Variants in NACA observed in about 807,000 individuals in gnomAD.
The protein encoded by NACA is nascent polypeptide associated complex subunit alpha, also known as nascent polypeptide-associated complex subunit alpha.
Under a neutral mutation model 86.4 loss-of-function variants are expected in NACA, and 42 were observed. That is an observed-to-expected ratio of 0.49 (90% CI 0.38 to 0.63). The LOEUF is 0.63. Ranked by LOEUF, NACA falls within the 20% of genes least tolerant of loss-of-function variation. The pLI is 0.00. For synonymous variants in NACA, 898 were observed against 973.7 expected (o/e 0.92, Z 1.45); for missense variants, 2,157 against 2,483.6 (o/e 0.87, Z 2.80).
intron 5 of NACA, 122 bp downstream of exon 5, chr12:56,714,240 C>T (rs1024837514): frequency 2.1e-6 from 2 of 935,326 alleles, no homozygotes; most frequent in African/African-American, 1.6e-5. Context: ...TCAAAAATCA[C>T]CACTAGAGAA....
chr12:56,714,623 C>T lies in NACA; in HGVS notation c.5724G>A (p.Gln1908=). The change falls in exon 4 of 9, where the codon CAG becomes CAA. Residue 1908 remains glutamine (Q), a synonymous_variant. Transcript: ENST00000454682. The stretch of plus-strand genomic sequence containing the variant: ...CCACCTGGGCTTGTTGTGTGGTTGC[C>T]TGGGTGGAATCCTGTTCTTCAAGCT... ...VPELEEQDST[Q]ATTQQAQLAA... 1.2e-6 allele frequency: 2 copies of T among 1,614,148 alleles called. No homozygotes were observed. Among genetic ancestry groups the T allele is most frequent in the Non-Finnish European group, 1.7e-6 (2 of 1,180,032 alleles).
chr12:56,717,642 A>G lies in NACA; in HGVS notation c.3888T>C (p.Ser1296=), dbSNP rs779349479. 3.0e-4 allele frequency: 311 copies of G among 1,030,526 alleles called. No homozygotes were observed. Among genetic ancestry groups the G allele is most frequent in the African/African-American group, 2.8e-3 (89 of 32,000 alleles). The allele number at this position is 1,030,526 out of a possible 1,614,324, so 63.8% of individuals were successfully genotyped here. A position where few individuals can be genotyped will look rare whatever the true frequency, so the allele number is the denominator to read the frequency against. ...GTGAGGTAGCTGGGCCTCCTTTTGG[A>G]GAGGGAGGAGTTACAACTGCGGGAT... The part of the protein sequence containing the change: ...APNPAVVTPP[S]PKGGPATSPP... Residue 1296 remains serine (S), a synonymous_variant, in exon 3 of 9, where the codon TCT becomes TCC. Transcript: ENST00000454682.
At chr12:56,713,356 G>A (rs1953267272) in intron 6 of NACA, 166 bp from the exon 7 acceptor site, 2 of 1,207,312 alleles carry the variant, frequency 1.7e-6, no homozygotes, top group Non-Finnish European at 2.3e-6. Flanking sequence ...TAGAGCAGTG[G>A]TTCTCAACTA....
chr12:56,723,397 C>T (rs1043050886), intron 2 of NACA, among the ~76,000 whole-genome samples: 1 of 152,206 alleles, frequency 6.6e-6, no homozygotes, highest in Admixed American at 6.5e-5. Context: ...TTCAATGACA[C>T]AATCTCTAAA....
chr12:56,712,652 A>G (rs1953250203), intron 8 of NACA, 100 bp from the exon 9 acceptor site: 2 of 1,595,296 alleles, frequency 1.3e-6, no homozygotes, highest in African/African-American at 2.7e-5. Context: ...TTAGGCCACT[A>G]AAACCTATAC....
At chr12:56,713,803 G>T (rs1204442295) in intron 5 of NACA, 120 bp from the exon 6 acceptor site, 8 of 991,908 alleles carry the variant, frequency 8.1e-6, no homozygotes, top group Non-Finnish European at 9.0e-6. Context: ...GTTCATACAA[G>T]AATAGAGAAT....
At chr12:56,712,943 G>C in intron 7 of NACA, 35 bp from the exon 8 acceptor site, 1 of 1,613,762 alleles carries the variant, frequency 6.2e-7, no homozygotes, top group Non-Finnish European at 8.5e-7. Context: ...GTAAATTAAA[G>C]GCAAGAACAA....
rs903506225 is a variant in NACA at position 56,724,623 on chromosome 12, A to G, written c.-2-100T>C. On this transcript the variant is annotated intron_variant, in intron 1 of 8. Transcript: ENST00000454682. ...CTTAAAAACTCCGAGGAGGGCTGTTAGAAAAAAATCGTGAGGGTGTTTGGT... is the reference window on the plus strand; with the variant it reads ...CTTAAAAACTCCGAGGAGGGCTGTTGGAAAAAAATCGTGAGGGTGTTTGGT... 8 of 1,323,100 alleles carry G rather than the reference A, an allele frequency of 6.0e-6. No individual in the cohort carries two copies. The African/African-American group carries it at 7.4e-5, about 12-fold the overall frequency. The allele number at this position is 1,323,100 out of a possible 1,614,324, so 82.0% of individuals were successfully genotyped here. A position where few individuals can be genotyped will look rare whatever the true frequency, so the allele number is the denominator to read the frequency against.
Position 56,724,440 on chromosome 12 carries a change from AG to A in NACA, c.70+11del. On this transcript the variant is annotated intron_variant, in intron 2 of 8. Coordinates refer to ENST00000454682, the MANE Select transcript of NACA (RefSeq NM_001365896.1). ...AATTTTAATTAATGGCAAGGAGGGTAGGGAAACCTACCTGTCTCAGCCTGGG... is the reference window on the plus strand; with the variant it reads ...AATTTTAATTAATGGCAAGGAGGGTAGGAAACCTACCTGTCTCAGCCTGGG... 6.2e-7 allele frequency: 1 copy of A among 1,606,398 alleles called. No homozygotes were observed. The highest frequency in any genetic ancestry group is 8.5e-7 in the Non-Finnish European group (1 of 1,176,468).
At chr12:56,714,570 G>T in intron 4 of NACA, 32 bp downstream of exon 4, 1 of 1,611,602 alleles carries the variant, frequency 6.2e-7, no homozygotes, top group South Asian at 1.1e-5. Context: ...CTGCTTCTTT[G>T]ACCCAATACC....
rs750347006 is a variant in NACA, at chr12:56,713,522, GA to G, written c.5970+14del. On this transcript the variant is annotated intron_variant, in intron 6 of 8. Transcript: ENST00000454682. ...AACCCTGGTCTGGAACAATGCCCAAGAAAAGTTTACTCACCTTGGCTTCCCC... is the reference window on the plus strand; with the variant it reads ...AACCCTGGTCTGGAACAATGCCCAAGAAAGTTTACTCACCTTGGCTTCCCC... 2 of 1,613,022 alleles carry G rather than the reference GA, an allele frequency of 1.2e-6. No individual in the cohort carries two copies. Among genetic ancestry groups the G allele is most frequent in the Non-Finnish European group, 1.7e-6 (2 of 1,179,384 alleles).
rs755261178 is a variant in NACA at position 56,716,120 on chromosome 12, G to C, written c.5410C>G (p.Pro1804Ala). The change falls in exon 3 of 9, where the codon CCC becomes GCC. Residue 1804 changes from proline (P) to alanine (A), a missense_variant. This residue lies in a region of NACA where 797 missense variants were observed against 777.6 expected (regional missense o/e 1.02). Coordinates refer to ENST00000454682, the MANE Select transcript of NACA (RefSeq NM_001365896.1). ...GGAGGCAGAGTGGGAACTGGGGAGG[G>C]AGCAAGAGGCAGAGAGACTGGTGGG... Reference protein sequence around the residue: ...PSPPVSLPLAPSPVPTLPPKQ... With the variant: ...PSPPVSLPLAASPVPTLPPKQ... 51 of 1,613,342 alleles carry C rather than the reference G, an allele frequency of 3.2e-5. No homozygotes were observed. Among genetic ancestry groups the C allele is most frequent in the Non-Finnish European group, 4.2e-5 (50 of 1,179,764 alleles).
rs937098965 is a variant in NACA at position 56,719,478 on chromosome 12, A to G, written c.2052T>C (p.Ala684=). ...SPFLEGTVSL[A]PKNHPVKEGT... is the part of the protein sequence containing the mutation. ...CTTCCTTAACTGGGTGGTTTTTAGGAGCTAAAGAGACAGTTCCTTCTAGAA... is the reference window on the plus strand; with the variant it reads ...CTTCCTTAACTGGGTGGTTTTTAGGGGCTAAAGAGACAGTTCCTTCTAGAA... The change falls in exon 3 of 9, where the codon GCT becomes GCC. Residue 684 remains alanine, a synonymous_variant. Transcript: ENST00000454682. 11 of 1,613,760 alleles carry G rather than the reference A, an allele frequency of 6.8e-6. No homozygotes were observed. The highest frequency in any genetic ancestry group is 3.3e-5 in the Admixed American group (2 of 59,998).
chr12:56,715,812 C>T (rs1953338367), intron 3 of NACA, 59 bp downstream of exon 3: 7 of 1,415,110 alleles, frequency 4.9e-6, no homozygotes, highest in Admixed American at 2.4e-5. Context: ...TGGTGGGTAG[C>T]GCCCAAGAGG....
chr12:56,718,827 A>G lies in NACA; in HGVS notation c.2703T>C (p.Ala901=). The change falls in exon 3 of 9, where the codon GCT becomes GCC. Residue 901 remains alanine (A), a synonymous_variant. Transcript: ENST00000454682. ...VNLPFPKEGP[A]TPAPKQAPAL... ...CAGGAGCCTGTTTGGGTGCTGGAGTAGCTGGACCCTCTTTGGGGAAGGGCA... is the reference window on the plus strand; with the variant it reads ...CAGGAGCCTGTTTGGGTGCTGGAGTGGCTGGACCCTCTTTGGGGAAGGGCA... The G allele has an allele frequency of 2.1e-6, 3 of 1,438,170 alleles. No individual in the cohort carries two copies. Among genetic ancestry groups the G allele is most frequent in the Non-Finnish European group, 1.9e-6 (2 of 1,068,046 alleles). The allele number at this position is 1,438,170 out of a possible 1,614,324, so 89.1% of individuals were successfully genotyped here. A position where few individuals can be genotyped will look rare whatever the true frequency, so the allele number is the denominator to read the frequency against.
chr12:56,713,833 C>G, intron 5 of NACA, 150 bp from the exon 6 acceptor site: 1 of 787,806 alleles, frequency 1.3e-6, no homozygotes, highest in Non-Finnish European at 2.0e-6. Context: ...GCCGTAGTAA[C>G]TTCTGTTACT....
At position 56,719,260 on chromosome 12, in the gene NACA, G is replaced by A. The variant is rs376136932; in HGVS notation, c.2270C>T (p.Thr757Ile). ...GTKKVDGISH[T>I]SALAPVASSP... ...GGAAGCAACAGGTGCCAATGCTGAA[G>A]TATGAGAAATACCATCAACCTTTTT... The change falls in exon 3 of 9, where the codon ACT becomes ATT. Residue 757 changes from threonine (T) to isoleucine (I), a missense_variant. Transcript: ENST00000454682. 100 of 1,555,666 alleles carry A rather than the reference G, an allele frequency of 6.4e-5. No homozygotes were observed. The Admixed American group carries it at 1.6e-3, about 25-fold the overall frequency.
chr12:56,714,680 T>C lies in NACA; in HGVS notation c.5667A>G (p.Gly1889=), dbSNP rs1343523922. ...CTGATTCATCACTGTCAGATTCTGT[T>C]CCAGACCCTAAGATGAGAAACAACT... The part of the protein sequence containing the change: ...QPVTKNNKGS[G]TESDSDESVP... The change falls in exon 4 of 9, where the codon GGA becomes GGG. Residue 1889 remains glycine (G), a synonymous_variant. Coordinates refer to ENST00000454682, the MANE Select transcript of NACA (RefSeq NM_001365896.1). 6.2e-7 allele frequency: 1 copy of C among 1,614,108 alleles called. No individual in the cohort carries two copies. Among genetic ancestry groups the C allele is most frequent in the Admixed American group, 1.7e-5 (1 of 60,016 alleles).
intron 8 of NACA, 113 bp from the exon 9 acceptor site, chr12:56,712,665 C>A: frequency 6.3e-7 from 1 of 1,595,590 alleles, no homozygotes; most frequent in East Asian, 2.2e-5. Context: ...ACCTATACGG[C>A]AACTCAGAAG....
Sources: allele counts gnomAD v4.1 joint callset (sites outside exome capture counted in the v4.1 genomes callset), GRCh38; gene constraint gnomAD v4.1.1; regional missense constraint gnomAD v4.1.1; transcripts MANE v1.5; gene names NCBI Gene and HGNC (gene_info 2026-07-23, HGNC 2026-07-21).